CNTN5: variants seen among roughly 807,000 people sequenced by gnomAD.
CNTN5 encodes the protein contactin-5.
Under a neutral mutation model 129.1 loss-of-function variants are expected in CNTN5, and 77 were observed. The ratio of observed to expected loss-of-function variants is 0.60; its 90% CI spans 0.50 to 0.72. CNTN5 has a LOEUF of 0.72. Ranked by LOEUF, CNTN5 falls within the 30% of genes least tolerant of loss-of-function variation. The pLI is 0.00. For missense variants in CNTN5, 1,478 were observed against 1,328.8 expected, an observed-to-expected ratio of 1.11 and a Z score of -1.75; for synonymous variants, 509 against 465.6, an observed-to-expected ratio of 1.09 and a Z score of -1.20.
intron 6 of CNTN5, among the ~76,000 whole-genome samples, chr11:99,907,055 T>C (rs1949527776): frequency 6.6e-6 from 1 of 152,120 alleles, no homozygotes; most frequent in African/African-American, 2.4e-5. Context: ...ATTTTGTTAA[T>C]CTTTTCAAAA....
chr11:99,103,054 C>A (rs573168233), intron 1 of CNTN5, among the ~76,000 whole-genome samples: 14 of 152,048 alleles, frequency 9.2e-5, no homozygotes, highest in Non-Finnish European at 1.9e-4. Context: ...AGAGGAGAAC[C>A]AAGCGAAAGG....
intron 16 of CNTN5, among the ~76,000 whole-genome samples, chr11:100,238,142 T>A (rs1370916725): frequency 6.6e-6 from 1 of 152,082 alleles, no homozygotes; most frequent in Non-Finnish European, 1.5e-5. Flanking sequence ...TTGCTGCAAA[T>A]GTAGAATCAA....
intron 6 of CNTN5, among the ~76,000 whole-genome samples, chr11:99,858,465 C>T (rs1948107303): frequency 6.6e-6 from 1 of 151,904 alleles, no homozygotes; most frequent in African/African-American, 2.4e-5. Flanking sequence ...TCTCTGTGCA[C>T]CAATATGCAA....
intron 4 of CNTN5, among the ~76,000 whole-genome samples, chr11:99,842,419 TAAC>T (rs575138943): frequency 1.3e-3 from 203 of 152,340 alleles, no homozygotes; most frequent in Non-Finnish European, 2.3e-3. Context: ...CAAATGTTAA[TAAC>T]AACTGATATT....
chr11:99,712,647 AT>A (rs1476299530), intron 3 of CNTN5, among the ~76,000 whole-genome samples: 2 of 152,118 alleles, frequency 1.3e-5, no homozygotes, highest in African/African-American at 4.8e-5. Flanking sequence ...TTTTGAGTTA[AT>A]TTTTGTATAA....
intron 1 of CNTN5, among the ~76,000 whole-genome samples, chr11:99,066,702 G>C (rs1865117832): frequency 6.6e-6 from 1 of 152,036 alleles, no homozygotes; most frequent in Non-Finnish European, 1.5e-5. Context: ...TCTGACTATG[G>C]GAACCTAATT....
intron 1 of CNTN5, among the ~76,000 whole-genome samples, chr11:99,035,094 T>G (rs1313602068): frequency 6.6e-6 from 1 of 151,020 alleles, no homozygotes; most frequent in Non-Finnish European, 1.5e-5. Context: ...GTGAGATTCT[T>G]AATCCTGAGT....
intron 17 of CNTN5, among the ~76,000 whole-genome samples, chr11:100,259,421 A>G (rs189162015): frequency 7.2e-4 from 110 of 152,168 alleles, no homozygotes; most frequent in African/African-American, 1.9e-3. Context: ...TTCAGGACTT[A>G]AACTCAGCTC....
At chr11:100,275,690 TTA>T (rs1457456152) in intron 18 of CNTN5, among the ~76,000 whole-genome samples, 2 of 152,244 alleles carry the variant, frequency 1.3e-5, no homozygotes, top group African/African-American at 4.8e-5. Flanking sequence ...TGTCTCTATT[TTA>T]TCATGAGTTC....
chr11:100,243,328 G>T (rs917878558), intron 16 of CNTN5, among the ~76,000 whole-genome samples: 11 of 152,196 alleles, frequency 7.2e-5, no homozygotes, highest in African/African-American at 2.7e-4. Context: ...GAGGGGAGTT[G>T]CTATACTATC....
chr11:100,340,760 C>T, intron 22 of CNTN5, 111 bp downstream of exon 22: 3 of 958,514 alleles, frequency 3.1e-6, no homozygotes, highest in South Asian at 1.8e-5. Context: ...AGTTTTGATT[C>T]ATAGTCTTGC....
intron 1 of CNTN5, among the ~76,000 whole-genome samples, chr11:99,156,674 A>C (rs947045196): frequency 1.3e-5 from 2 of 151,946 alleles, no homozygotes; most frequent in Non-Finnish European, 2.9e-5. Context: ...CTTTTTCTCA[A>C]ACTAGGCTTT....
rs1311048450 is a variant in CNTN5 at position 99,432,503 on chromosome 11, T to C, written c.-71+107019T>C. ...TTCTTTTCTTTTCTTTTCTTTCTTT[T>C]CTTTCTCTCTCTCTGTCTTTGTTTC... On this transcript the variant is annotated intron_variant, in intron 2 of 24. Coordinates refer to ENST00000524871, the MANE Select transcript of CNTN5 (RefSeq NM_014361.4). Among the ~76,000 whole-genome samples the C allele has an allele frequency of 8.8e-3, 1,264 of 143,842 alleles. 12 individuals carry two copies. Among genetic ancestry groups the C allele is most frequent in the African/African-American group, 0.021 (836 of 39,256 alleles). 94.4% of individuals were successfully genotyped at this position (143,842 alleles called of 152,430 possible).
At position 100,195,913 on chromosome 11, in the gene CNTN5, G is replaced by C. The variant is rs373618147; in HGVS notation, c.1884+2250G>C. ...ATGTCTGGAAAATAATGCTTTAGGA[G>C]AAAACATATAAAAGTGTTATAAAGG... On this transcript the variant is annotated intron_variant, in intron 15 of 24. Coordinates refer to ENST00000524871, the MANE Select transcript of CNTN5 (RefSeq NM_014361.4). Among the ~76,000 whole-genome samples the C allele has an allele frequency of 1.1e-3, 159 of 151,086 alleles. 3 individuals carry two copies. Among genetic ancestry groups the C allele is most frequent in the African/African-American group, 3.6e-3 (146 of 40,658 alleles).
At chr11:100,242,600 C>T (rs931386755) in intron 16 of CNTN5, among the ~76,000 whole-genome samples, 41 of 152,118 alleles carry the variant, frequency 2.7e-4, no homozygotes, top group African/African-American at 9.2e-4. Context: ...GGCGGTGCTG[C>T]TACACACTTG....
chr11:99,090,035 T>C (rs1307458860), intron 1 of CNTN5, among the ~76,000 whole-genome samples: 1 of 152,220 alleles, frequency 6.6e-6, no homozygotes, highest in East Asian at 1.9e-4. Flanking sequence ...TTTCTCTTTT[T>C]GGAGTCTAAT....
chr11:100,353,938 C>T (rs1446974812), intron 24 of CNTN5, among the ~76,000 whole-genome samples: 1 of 151,394 alleles, frequency 6.6e-6, no homozygotes, highest in African/African-American at 2.4e-5. Context: ...TCAGTCTAGC[C>T]AGAGAGGATT....
chr11:99,334,688 T>C (rs150843067), intron 2 of CNTN5, among the ~76,000 whole-genome samples: 9 of 152,160 alleles, frequency 5.9e-5, no homozygotes, highest in African/African-American at 1.2e-4. Flanking sequence ...TTAAGGTGTG[T>C]TGTGAAAATA....
chr11:99,597,843 A>T (rs1228485177), intron 3 of CNTN5, among the ~76,000 whole-genome samples: 1 of 152,050 alleles, frequency 6.6e-6, no homozygotes, highest in East Asian at 1.9e-4. Context: ...TCACTTCTGG[A>T]TGCCTTCTTG....
Sources: allele counts gnomAD v4.1 joint callset (sites outside exome capture counted in the v4.1 genomes callset), GRCh38; gene constraint gnomAD v4.1.1; transcripts MANE v1.5; gene names NCBI Gene and HGNC (gene_info 2026-07-23, HGNC 2026-07-21).